CEMIP: variants seen among roughly 807,000 people sequenced by gnomAD.
The protein encoded by CEMIP is cell migration inducing hyaluronidase 1, also known as cell migration-inducing and hyaluronan-binding protein.
Under a neutral mutation model 156.9 loss-of-function variants are expected in CEMIP, and 105 were observed. The observed-to-expected ratio is 0.67, with a 90% CI of 0.57 to 0.79. The LOEUF (loss-of-function observed/expected upper bound fraction) is 0.79, where lower values mean the gene tolerates loss of function less well. Ranked by LOEUF, CEMIP falls within the 30% of genes least tolerant of loss-of-function variation. The pLI is 0.00. For missense variants in CEMIP, 1,457 were observed against 1,769.4 expected (o/e 0.82, Z 3.17); for synonymous variants, 676 against 668.4 (o/e 1.01, Z -0.17).
intron 5 of CEMIP, among the ~76,000 whole-genome samples, chr15:80,880,279 C>T (rs1035413449): frequency 2.6e-5 from 4 of 152,202 alleles, no homozygotes; most frequent in Non-Finnish European, 5.9e-5. Context: ...AGCGCATGTC[C>T]AGGTGATTCC....
At chr15:80,862,757 G>T (rs1317855403) in intron 1 of CEMIP, among the ~76,000 whole-genome samples, 1 of 152,224 alleles carries the variant, frequency 6.6e-6, no homozygotes, top group African/African-American at 2.4e-5. Flanking sequence ...GGCTGTGGCT[G>T]TGAAATCCCA....
intron 1 of CEMIP, among the ~76,000 whole-genome samples, chr15:80,859,782 G>A (rs1897940413): frequency 6.6e-6 from 1 of 152,154 alleles, no homozygotes; most frequent in Non-Finnish European, 1.5e-5. Flanking sequence ...GATAGTGGAG[G>A]GAAAAAGCAG....
At chr15:80,920,428 C>T in intron 15 of CEMIP, 129 bp downstream of exon 15, 1 of 773,330 alleles carries the variant, frequency 1.3e-6, no homozygotes, top group Middle Eastern at 3.2e-4. Flanking sequence ...GCCTCACAGC[C>T]CTTAACCACC....
intron 1 of CEMIP, among the ~76,000 whole-genome samples, chr15:80,850,333 G>C (rs1286964619): frequency 6.6e-6 from 1 of 152,186 alleles, no homozygotes; most frequent in South Asian, 2.1e-4. Context: ...CTGGAGTGCA[G>C]TAGCGCAATC....
rs1318473006 is a variant in CEMIP at position 80,878,840 on chromosome 15, G to T, written c.214G>T (p.Val72Phe). 6.2e-7 allele frequency: 1 copy of T among 1,614,168 alleles called. No individual in the cohort carries two copies. Among genetic ancestry groups the T allele is most frequent in the East Asian group, 2.2e-5 (1 of 44,886 alleles). The change falls in exon 4 of 30, where the codon GTC (valine) becomes TTC (phenylalanine). Residue 72 changes from valine (V) to phenylalanine (F), a missense_variant. Physicochemically the swap from Val to Phe is conservative, Grantham distance 50 (BLOSUM62 -1). This residue lies in a region of CEMIP where 309 missense variants were observed against 340.8 expected (regional missense o/e 0.91). Transcript: ENST00000394685. ...ACTGCTGCTCACCTCTTCTGCCACG[G>T]TCTATTCCATCCACATCTCAGAGGG... ...KTLLLTSSAT[V>F]YSIHISEGGK...
chr15:80,856,138 GGATGA>G (rs1271520596), intron 1 of CEMIP, among the ~76,000 whole-genome samples: 7 of 152,208 alleles, frequency 4.6e-5, no homozygotes, highest in African/African-American at 1.7e-4. Flanking sequence ...ACTGGGAAGG[GGATGA>G]GGGAACTTTC....
At chr15:80,780,296 A>T (rs1486014941) in intron 1 of CEMIP, among the ~76,000 whole-genome samples, 1 of 152,218 alleles carries the variant, frequency 6.6e-6, no homozygotes, top group East Asian at 1.9e-4. Context: ...GGTCCCTGGC[A>T]AAGGACGTCG....
intron 8 of CEMIP, among the ~76,000 whole-genome samples, chr15:80,888,208 CA>C (rs1029510870): frequency 4.9e-4 from 70 of 142,794 alleles, no homozygotes; most frequent in East Asian, 3.1e-3. Flanking sequence ...ACTAAAATTA[CA>C]AAAAAAAAAA....
At chr15:80,882,091 A>G (rs532809136) in intron 6 of CEMIP, among the ~76,000 whole-genome samples, 9 of 152,290 alleles carry the variant, frequency 5.9e-5, no homozygotes, top group East Asian at 1.9e-4. Flanking sequence ...CCTCAAGAAC[A>G]GGGCCCGAGC....
rs1901002849 is a variant in CEMIP at position 80,933,456 on chromosome 15, C to T, written c.3005C>T (p.Ala1002Val). The T allele has an allele frequency of 3.1e-6, 5 of 1,613,688 alleles. No homozygotes were observed. The highest frequency in any genetic ancestry group is 4.2e-6 in the Non-Finnish European group (5 of 1,179,604). Residue 1002 changes from alanine to valine, a missense_variant, in exon 23 of 30, where the codon GCA (alanine) becomes GTA (valine). Transcript: ENST00000394685. ...WRGAICSGCY[A>V]QMYIQAYKTS... ...GGGGCCATTTGCAGTGGGTGCTATG[C>T]ACAGGTGGGGACACCATTCTGGGGG...
intron 1 of CEMIP, among the ~76,000 whole-genome samples, chr15:80,803,648 T>C (rs1449597246): frequency 6.6e-6 from 1 of 152,126 alleles, no homozygotes; most frequent in Non-Finnish European, 1.5e-5. Flanking sequence ...TTCTAGACCA[T>C]CCAGATTATC....
intron 29 of CEMIP, 172 bp from the exon 30 acceptor site, chr15:80,948,625 G>A (rs1901670871): frequency 1.2e-6 from 1 of 865,486 alleles, no homozygotes; most frequent in East Asian, 2.5e-5. Context: ...ACAAACACAT[G>A]TCAGGCACCA....
intron 1 of CEMIP, among the ~76,000 whole-genome samples, chr15:80,834,554 G>C (rs1004801319): frequency 2.0e-5 from 3 of 152,146 alleles, no homozygotes; most frequent in African/African-American, 7.2e-5. Context: ...TTATTGCCCT[G>C]GGGAGCCACA....
At chr15:80,830,981 G>A (rs574526645) in intron 1 of CEMIP, among the ~76,000 whole-genome samples, 1 of 152,252 alleles carries the variant, frequency 6.6e-6, no homozygotes, top group South Asian at 2.1e-4. Context: ...ATCATGTACT[G>A]GGTCCAGCAC....
At chr15:80,816,404 C>T (rs1311389111) in intron 1 of CEMIP, among the ~76,000 whole-genome samples, 1 of 152,178 alleles carries the variant, frequency 6.6e-6, no homozygotes, top group Non-Finnish European at 1.5e-5. Context: ...CTGTCTGCTT[C>T]CTACTCCAGG....
At chr15:80,904,343 A>C (rs1478862245) in intron 12 of CEMIP, among the ~76,000 whole-genome samples, 2 of 152,198 alleles carry the variant, frequency 1.3e-5, no homozygotes, top group Admixed American at 1.3e-4. Flanking sequence ...GTGAGCTGTG[A>C]TCACACCACT....
At chr15:80,818,171 A>G (rs1319841917) in intron 1 of CEMIP, among the ~76,000 whole-genome samples, 2 of 152,176 alleles carry the variant, frequency 1.3e-5, no homozygotes, top group Non-Finnish European at 2.9e-5. Context: ...TTCATGTCCA[A>G]TGTGTGTTAG....
intron 1 of CEMIP, among the ~76,000 whole-genome samples, chr15:80,780,734 C>A (rs1449869024): frequency 1.3e-5 from 2 of 152,252 alleles, no homozygotes; most frequent in African/African-American, 4.8e-5. Flanking sequence ...CCAGGGCGCG[C>A]CCGAGGGCGG....
intron 17 of CEMIP, among the ~76,000 whole-genome samples, chr15:80,923,680 G>A (rs776004508): frequency 1.3e-5 from 2 of 152,122 alleles, no homozygotes; most frequent in African/African-American, 2.4e-5. Context: ...AGGAGGTCTC[G>A]TCCTTGGTGT....
Sources: gnomAD v4.1 joint callset for allele counts (sites outside exome capture counted in the v4.1 genomes callset) on GRCh38, gnomAD v4.1.1 for gene constraint, gnomAD v4.1.1 regional missense constraint, MANE v1.5 for transcripts, NCBI Gene and HGNC (gene_info 2026-07-23, HGNC 2026-07-21) for gene names.